Variants in DNAH5 observed in about 807,000 individuals in gnomAD.
DNAH5 encodes the protein axonemal beta dynein heavy chain 5.
Under a neutral mutation model 518.2 loss-of-function variants are expected in DNAH5, and 372 were observed. The ratio of observed to expected loss-of-function variants is 0.72; its 90% CI spans 0.66 to 0.78. The LOEUF (loss-of-function observed/expected upper bound fraction) is 0.78, where lower values mean the gene tolerates loss of function less well. Among genes scored for constraint, DNAH5 ranks in the 30% least tolerant of loss-of-function variants. DNAH5 has a pLI of 0.00. For missense variants in DNAH5, 5,523 were observed against 5,687.0 expected (o/e 0.97, Z 0.93); for synonymous variants, 2,039 against 2,025.9 (o/e 1.01, Z -0.17).
intron 1 of DNAH5, among the ~76,000 whole-genome samples, chr5:13,994,446 T>C (rs559853137): frequency 1.8e-4 from 28 of 152,286 alleles, no homozygotes; most frequent in African/African-American, 6.5e-4. Flanking sequence ...TGTAAGCAAC[T>C]TACAGTCTTA....
rs772658660 is a variant in DNAH5, at chr5:13,830,596, C to T, written c.6061+1G>A. The T allele has an allele frequency of 6.2e-7, 1 of 1,614,140 alleles. No homozygotes were observed. Among genetic ancestry groups the T allele is most frequent in the East Asian group, 2.2e-5 (1 of 44,878 alleles). On this transcript the variant is annotated splice_donor_variant, in intron 36 of 78. Transcript: ENST00000265104. LOFTEE classifies it high-confidence loss of function. Reference sequence around the variant, plus strand: ...ACCAGATTAAAAAATATAACCCATACCCTTAAAAATCCGTCCAAGTCCTCG... The same window carrying T: ...ACCAGATTAAAAAATATAACCCATATCCTTAAAAATCCGTCCAAGTCCTCG...
intron 2 of DNAH5, among the ~76,000 whole-genome samples, chr5:13,928,645 C>A (rs904732089): frequency 1.8e-4 from 27 of 152,320 alleles, no homozygotes; most frequent in Non-Finnish European, 3.2e-4. Context: ...CAGTAAGCAA[C>A]CTGGCACTAA....
At chr5:13,736,987 C>G (rs1747572447) in intron 66 of DNAH5, among the ~76,000 whole-genome samples, 1 of 152,186 alleles carries the variant, frequency 6.6e-6, no homozygotes, top group Non-Finnish European at 1.5e-5. Flanking sequence ...AATTCTCCTT[C>G]TTTACTTTCT....
intron 3 of DNAH5, among the ~76,000 whole-genome samples, chr5:13,927,154 T>A (rs1777963273): frequency 6.6e-6 from 1 of 152,158 alleles, no homozygotes; most frequent in Non-Finnish European, 1.5e-5. Context: ...ATTACATTAA[T>A]CCACTTAAAA....
chr5:13,732,732 C>T (rs1202908156), intron 68 of DNAH5, among the ~76,000 whole-genome samples: 2 of 152,098 alleles, frequency 1.3e-5, no homozygotes, highest in African/African-American at 4.8e-5. Context: ...TAATCACCTC[C>T]CAAAAATCCC....
intron 74 of DNAH5, among the ~76,000 whole-genome samples, chr5:13,715,424 A>G (rs1359161975): frequency 1.3e-5 from 2 of 152,204 alleles, no homozygotes; most frequent in African/African-American, 4.8e-5. Flanking sequence ...TTATACCTTC[A>G]TGGCCACTTT....
intron 30 of DNAH5, among the ~76,000 whole-genome samples, chr5:13,854,001 C>G (rs1409730910): frequency 6.6e-6 from 1 of 152,118 alleles, no homozygotes; most frequent in Non-Finnish European, 1.5e-5. Context: ...GGCCAACATT[C>G]AAATTCAGGA....
intron 61 of DNAH5, among the ~76,000 whole-genome samples, chr5:13,758,486 C>T (rs1479459952): frequency 2.0e-5 from 3 of 152,102 alleles, no homozygotes; most frequent in Admixed American, 1.3e-4. Flanking sequence ...CAGAGCAATA[C>T]TTTGTCTAAA....
At chr5:13,815,320 A>T (rs1208121317) in intron 42 of DNAH5, among the ~76,000 whole-genome samples, 1 of 152,232 alleles carries the variant, frequency 6.6e-6, no homozygotes, top group Non-Finnish European at 1.5e-5. Flanking sequence ...GAGGTAGAAT[A>T]TTCCAGACAG....
chr5:13,738,102 G>A (rs1462007907), intron 65 of DNAH5, among the ~76,000 whole-genome samples: 1 of 135,194 alleles, frequency 7.4e-6, no homozygotes, highest in African/African-American at 2.9e-5. Context: ...AAAAAAAAAA[G>A]GAGGAGGAGA....
intron 30 of DNAH5, among the ~76,000 whole-genome samples, chr5:13,857,967 T>C (rs1375539806): frequency 6.6e-6 from 1 of 152,136 alleles, no homozygotes; most frequent in Non-Finnish European, 1.5e-5. Flanking sequence ...ACTTAATGAC[T>C]AAAACACCAA....
intron 74 of DNAH5, 137 bp from the exon 75 acceptor site, chr5:13,714,757 A>G (rs1018426683): frequency 1.6e-5 from 13 of 837,478 alleles, no homozygotes; most frequent in African/African-American, 3.4e-5. Flanking sequence ...TACAAACTCA[A>G]TAATTTCTCC....
rs376433526 is a variant in DNAH5 at position 13,810,131 on chromosome 5, T to C, written c.7537A>G (p.Thr2513Ala). The stretch of plus-strand genomic sequence containing the variant: ...GGCGGCGGCAGCTCCAGCGTCCCTG[T>C]GGGCCGAGAGCGCAGCCAGAGCTCC... ...RLELWLRSRP[T>A]GTLELPPPAG... The change falls in exon 45 of 79, where the codon ACA (threonine) becomes GCA (alanine). Residue 2513 changes from threonine (T) to alanine (A), a missense_variant. Coordinates refer to ENST00000265104, the MANE Select transcript of DNAH5 (RefSeq NM_001369.3). 1.9e-6 allele frequency: 3 copies of C among 1,549,790 alleles called. No individual in the cohort carries two copies. Among genetic ancestry groups the C allele is most frequent in the African/African-American group, 1.4e-5 (1 of 73,072 alleles).
chr5:13,900,050 A>G, intron 15 of DNAH5, 156 bp downstream of exon 15: 1 of 687,930 alleles, frequency 1.5e-6, no homozygotes, highest in Non-Finnish European at 2.5e-6. Flanking sequence ...GCCTGGCCCC[A>G]GCCAACTCTG....
At position 13,777,427 on chromosome 5, in the gene DNAH5, A is replaced by T. The variant is rs1754270687; in HGVS notation, c.8952-72T>A. On this transcript the variant is annotated intron_variant, in intron 53 of 78. Coordinates refer to ENST00000265104, the MANE Select transcript of DNAH5 (RefSeq NM_001369.3). ...GAGGGAAAGAACCTTGTAACAACGCATTATGCCATTTAGCTAACAAAAAAA... is the reference window on the plus strand; with the variant it reads ...GAGGGAAAGAACCTTGTAACAACGCTTTATGCCATTTAGCTAACAAAAAAA... 7 of 1,397,002 alleles carry T rather than the reference A, an allele frequency of 5.0e-6. No homozygotes were observed. In the East Asian group the frequency reaches 1.6e-4, roughly 32 times the overall value. The allele number at this position is 1,397,002 out of a possible 1,614,324, so 86.5% of individuals were successfully genotyped here. A position where few individuals can be genotyped will look rare whatever the true frequency, so the allele number is the denominator to read the frequency against.
At chr5:13,711,497 A>C (rs113781583) in intron 75 of DNAH5, among the ~76,000 whole-genome samples, 5,929 of 152,266 alleles carry the variant, frequency 0.039, 387 homozygotes, top group African/African-American at 0.13. Flanking sequence ...TCTTCAATAC[A>C]GCACTGGAAG....
At chr5:13,830,521 T>C (rs971560672) in intron 36 of DNAH5, 76 bp downstream of exon 36, 17 of 1,541,304 alleles carry the variant, frequency 1.1e-5, no homozygotes, top group Non-Finnish European at 1.3e-5. Flanking sequence ...ATGTGGCCAA[T>C]TGTTGAAAAC....
At chr5:14,004,319 AT>A (rs1335821438) in intron 1 of DNAH5, among the ~76,000 whole-genome samples, 4 of 152,196 alleles carry the variant, frequency 2.6e-5, no homozygotes, top group Non-Finnish European at 5.9e-5. Flanking sequence ...CCTTTCTCTG[AT>A]GAGCTGCGGG....
Position 13,771,071 on chromosome 5 carries a change from T to C in DNAH5, c.9374-91A>G, listed in dbSNP as rs540767652. ...TTTATTTCTAAAACTTAGACATTTC[T>C]TAGGAATGCAAACCATTTTTGTAGC... On this transcript the variant is annotated intron_variant, in intron 55 of 78. Coordinates refer to ENST00000265104, the MANE Select transcript of DNAH5 (RefSeq NM_001369.3). 3 of 1,220,618 alleles carry C rather than the reference T, an allele frequency of 2.5e-6. No individual in the cohort carries two copies. In the East Asian group the frequency reaches 7.6e-5, roughly 31 times the overall value. The allele number at this position is 1,220,618 out of a possible 1,614,324, so 75.6% of individuals were successfully genotyped here.
Sources: allele counts gnomAD v4.1 joint callset (sites outside exome capture counted in the v4.1 genomes callset), GRCh38; gene constraint gnomAD v4.1.1; transcripts MANE v1.5; gene names NCBI Gene and HGNC (gene_info 2026-07-23, HGNC 2026-07-21).